HECW1: variants seen among roughly 807,000 people sequenced by gnomAD.
HECW1 encodes E3 ubiquitin-protein ligase HECW1.
HECW1 carries 61 observed loss-of-function variants against 182.3 expected under a neutral mutation model. That is an observed-to-expected ratio of 0.33 (90% CI 0.27 to 0.41). The LOEUF (loss-of-function observed/expected upper bound fraction) is 0.41. Ranked by LOEUF, HECW1 falls within the 10% of genes least tolerant of loss-of-function variation. The pLI is 1.00. For synonymous variants in HECW1, 859 were observed against 832.6 expected, an observed-to-expected ratio of 1.03 and a Z score of -0.55; for missense variants, 1,739 against 2,108.9, an observed-to-expected ratio of 0.82 and a Z score of 3.44.
At chr7:43,174,387 C>A (rs1302618321) in intron 2 of HECW1, among the ~76,000 whole-genome samples, 1 of 152,194 alleles carries the variant, frequency 6.6e-6, no homozygotes, top group Admixed American at 6.5e-5. Context: ...AATGCTGTTT[C>A]TTTCTTAGTT....
intron 2 of HECW1, among the ~76,000 whole-genome samples, chr7:43,211,678 C>A (rs1023328168): frequency 3.3e-5 from 5 of 152,160 alleles, no homozygotes; most frequent in Admixed American, 3.3e-4. Flanking sequence ...AAAAGGGGGG[C>A]GTTCCCCCTT....
intron 5 of HECW1, among the ~76,000 whole-genome samples, chr7:43,358,927 C>T (rs1815512481): frequency 6.9e-6 from 1 of 144,656 alleles, no homozygotes; most frequent in Non-Finnish European, 1.5e-5. Flanking sequence ...CGGGTTCCAG[C>T]AATTCTCCTG....
chr7:43,197,736 C>T (rs909107465), intron 2 of HECW1, among the ~76,000 whole-genome samples: 4 of 152,062 alleles, frequency 2.6e-5, no homozygotes, highest in East Asian at 1.9e-4. Flanking sequence ...GGGACTCTGA[C>T]GAACACAGAC....
At chr7:43,544,220 A>G (rs1032701814) in intron 26 of HECW1, among the ~76,000 whole-genome samples, 2 of 152,232 alleles carry the variant, frequency 1.3e-5, no homozygotes, top group Admixed American at 6.5e-5. Context: ...ACTATAAACA[A>G]ATTGAAAGCA....
intron 19 of HECW1, among the ~76,000 whole-genome samples, chr7:43,500,141 C>A (rs1297282237): frequency 6.6e-6 from 1 of 151,460 alleles, no homozygotes; most frequent in African/African-American, 2.4e-5. Context: ...TCCTCTGTCG[C>A]CCAGGCTGGA....
intron 8 of HECW1, among the ~76,000 whole-genome samples, chr7:43,415,035 G>A (rs560837744): frequency 3.2e-4 from 48 of 152,026 alleles, no homozygotes; most frequent in African/African-American, 1.1e-3. Context: ...TACATTTAAA[G>A]TTAATATTGT....
intron 14 of HECW1, 127 bp from the exon 15 acceptor site, chr7:43,466,320 T>G (rs1000882245): frequency 3.9e-5 from 35 of 900,632 alleles, no homozygotes; most frequent in Non-Finnish European, 5.7e-5. Flanking sequence ...GTAATGACAC[T>G]TGGCCTAAAT....
intron 2 of HECW1, among the ~76,000 whole-genome samples, chr7:43,140,657 C>T (rs371608534): frequency 8.5e-5 from 13 of 152,294 alleles, no homozygotes; most frequent in African/African-American, 2.9e-4. Context: ...CAGTATTCTC[C>T]CACGAGATTA....
At position 43,228,764 on chromosome 7, in the gene HECW1, CA is replaced by C. The variant is rs537510676; in HGVS notation, c.-31-15105del. ...ACAATCTACGTGTCCAAAATGGTAT[CA>C]AAAAACTAAATGGTAGTATGCTTAT... On this transcript the variant is annotated intron_variant, in intron 2 of 29. Coordinates refer to ENST00000395891, the MANE Select transcript of HECW1 (RefSeq NM_015052.5). 2.0e-4 allele frequency among the ~76,000 whole-genome samples: 31 copies of C among 152,092 alleles called. No individual in the cohort carries two copies. In the South Asian group the frequency reaches 5.4e-3, roughly 26 times the overall value.
intron 8 of HECW1, among the ~76,000 whole-genome samples, chr7:43,415,463 T>A (rs1424652562): frequency 4.6e-5 from 7 of 151,624 alleles, no homozygotes; most frequent in Non-Finnish European, 8.8e-5. Flanking sequence ...CCCTTAACAT[T>A]TTTTCCTTCA....
chr7:43,337,524 C>T (rs773811986), intron 5 of HECW1, among the ~76,000 whole-genome samples: 1 of 152,158 alleles, frequency 6.6e-6, no homozygotes, highest in Non-Finnish European at 1.5e-5. Context: ...TCTAGGTCAG[C>T]CAAGTGGCCA....
intron 24 of HECW1, among the ~76,000 whole-genome samples, chr7:43,518,560 A>G (rs951650792): frequency 1.3e-5 from 2 of 152,140 alleles, no homozygotes; most frequent in African/African-American, 4.8e-5. Context: ...TACCATAAAC[A>G]AGGTCAAAAG....
intron 3 of HECW1, among the ~76,000 whole-genome samples, chr7:43,286,537 A>G (rs146923526): frequency 0.014 from 2,079 of 152,342 alleles, 45 homozygotes; most frequent in African/African-American, 0.048. Context: ...AGGAATATTT[A>G]GTAAAAGTGC....
chr7:43,271,209 C>T (rs1802369073), intron 3 of HECW1, among the ~76,000 whole-genome samples: 1 of 152,118 alleles, frequency 6.6e-6, no homozygotes, highest in Non-Finnish European at 1.5e-5. Context: ...GATGTATGTA[C>T]ATCCACATTG....
chr7:43,266,909 A>G (rs1801869591), intron 3 of HECW1, among the ~76,000 whole-genome samples: 1 of 152,166 alleles, frequency 6.6e-6, no homozygotes, highest in Admixed American at 6.5e-5. Context: ...TGAGGAGGAG[A>G]AGTGTTTAAT....
intron 3 of HECW1, among the ~76,000 whole-genome samples, chr7:43,281,625 A>G (rs773742269): frequency 6.6e-6 from 1 of 151,720 alleles, no homozygotes; most frequent in Non-Finnish European, 1.5e-5. Context: ...CACTGCAGCT[A>G]ACAACCAGAC....
At chr7:43,475,961 G>A (rs1020116328) in intron 16 of HECW1, among the ~76,000 whole-genome samples, 7 of 152,074 alleles carry the variant, frequency 4.6e-5, no homozygotes, top group African/African-American at 1.2e-4. Context: ...TTGTACAATC[G>A]GGTCTAGTAG....
intron 2 of HECW1, among the ~76,000 whole-genome samples, chr7:43,225,424 C>G (rs1030313412): frequency 6.6e-6 from 1 of 152,062 alleles, no homozygotes; most frequent in African/African-American, 2.4e-5. Flanking sequence ...CTGGGGAAAC[C>G]ACTCATATGT....
chr7:43,227,058 G>A lies in HECW1; in HGVS notation c.-31-16817G>A, dbSNP rs548365668. Among the ~76,000 whole-genome samples, 5 of 152,314 alleles carry A rather than the reference G, an allele frequency of 3.3e-5. No individual in the cohort carries two copies. In the South Asian group the frequency reaches 1.0e-3, roughly 32 times the overall value. On this transcript the variant is annotated intron_variant, in intron 2 of 29. Transcript: ENST00000395891. ...ATATTCATCTAGACAATATAATCTG[G>A]AAGTCAATGCCTCTCTCATTAATGT... is the stretch of plus-strand genomic sequence containing the variant.
Sources: allele counts gnomAD v4.1 joint callset (sites outside exome capture counted in the v4.1 genomes callset), GRCh38; gene constraint gnomAD v4.1.1; transcripts MANE v1.5; gene names NCBI Gene and HGNC (gene_info 2026-07-23, HGNC 2026-07-21).